Variants in PPIG observed in about 807,000 individuals in gnomAD.
The protein encoded by PPIG is peptidyl-prolyl cis-trans isomerase G.
A neutral mutation model predicts 87.9 loss-of-function variants in PPIG; 26 were observed. The observed-to-expected ratio is 0.30, with a 90% CI of 0.22 to 0.41. The LOEUF is 0.41. PPIG is among the 10% of genes least tolerant of loss of function. The pLI is 1.00. For synonymous variants in PPIG, 308 were observed against 276.5 expected, an observed-to-expected ratio of 1.11 and a Z score of -1.13; for missense variants, 722 against 879.4, an observed-to-expected ratio of 0.82 and a Z score of 2.26.
intron 7 of PPIG, among the ~76,000 whole-genome samples, chr2:169,609,879 G>A (rs903318446): frequency 2.6e-5 from 4 of 152,106 alleles, no homozygotes; most frequent in African/African-American, 4.8e-5. Context: ...GTATTTCTCC[G>A]TAAATTACTT....
At chr2:169,615,677 T>G (rs985132414) in intron 9 of PPIG, among the ~76,000 whole-genome samples, 1 of 151,916 alleles carries the variant, frequency 6.6e-6, no homozygotes. Context: ...ATAAACCACA[T>G]TTTTAAAAAA....
At chr2:169,588,442 A>G (rs931127227) in intron 1 of PPIG, among the ~76,000 whole-genome samples, 1 of 152,166 alleles carries the variant, frequency 6.6e-6, no homozygotes, top group African/African-American at 2.4e-5. Context: ...TGAGCCACTC[A>G]TTTCATCTCT....
chr2:169,616,280 GT>G (rs1168099152), intron 9 of PPIG, among the ~76,000 whole-genome samples: 2 of 152,034 alleles, frequency 1.3e-5, no homozygotes, highest in Non-Finnish European at 2.9e-5. Flanking sequence ...CCAGGTCTTT[GT>G]ATTTTGAATA....
At chr2:169,595,543 C>G (rs1684993650) in intron 1 of PPIG, among the ~76,000 whole-genome samples, 1 of 152,232 alleles carries the variant, frequency 6.6e-6, no homozygotes, top group Non-Finnish European at 1.5e-5. Flanking sequence ...ATTAACCATC[C>G]TCACTTCCAG....
At chr2:169,631,568 G>GT in intron 10 of PPIG, 198 bp from the exon 11 acceptor site, 1 of 1,342,372 alleles carries the variant, frequency 7.4e-7, no homozygotes, top group Non-Finnish European at 9.5e-7. Flanking sequence ...TAATCGAAAC[G>GT]TTTTGTTTTG....
chr2:169,592,250 G>A (rs1320408760), intron 1 of PPIG, among the ~76,000 whole-genome samples: 2 of 146,686 alleles, frequency 1.4e-5, no homozygotes, highest in Non-Finnish European at 3.0e-5. Flanking sequence ...GAAAAAAAAT[G>A]AAAAATTGAC....
chr2:169,612,346 G>T (rs982647209), intron 7 of PPIG, among the ~76,000 whole-genome samples: 3 of 146,542 alleles, frequency 2.0e-5, no homozygotes, highest in African/African-American at 5.0e-5. Context: ...TGTTTCCAAG[G>T]TTTATTTATA....
chr2:169,622,415 T>C (rs929113251), intron 9 of PPIG, among the ~76,000 whole-genome samples: 1 of 152,242 alleles, frequency 6.6e-6, no homozygotes, highest in Non-Finnish European at 1.5e-5. Flanking sequence ...TATATATTAC[T>C]TACATCTTTA....
At chr2:169,594,091 A>G (rs1684946640) in intron 1 of PPIG, among the ~76,000 whole-genome samples, 1 of 152,174 alleles carries the variant, frequency 6.6e-6, no homozygotes, top group African/African-American at 2.4e-5. Flanking sequence ...TGCTAAAAAG[A>G]GCACCAGCGT....
In PPIG at chr2:169,608,720, C is replaced by T; in HGVS notation, c.339C>T (p.Ala113=). 6.2e-7 allele frequency: 1 copy of T among 1,608,674 alleles called. No individual in the cohort carries two copies. The highest frequency in any genetic ancestry group is 8.5e-7 in the Non-Finnish European group (1 of 1,175,566). ...ACAAAGAATTTCTCTTGTCAATGGC[C>T]AACAGAGGGAAGGATACAAATGGTT... ...KHNKEFLLSM[A]NRGKDTNGSQ... Residue 113 remains alanine, a synonymous_variant, in exon 7 of 14, where the codon GCC becomes GCT. Coordinates refer to ENST00000260970, the MANE Select transcript of PPIG (RefSeq NM_004792.3).
chr2:169,631,427 C>T (rs1342799053), intron 10 of PPIG: 2 of 395,604 alleles, frequency 5.1e-6, no homozygotes, highest in Non-Finnish European at 7.8e-6. Flanking sequence ...TTGTCTTCAT[C>T]TGCCTATGGC....
rs369726092 is a variant in PPIG at position 169,636,166 on chromosome 2, A to G, written c.1092A>G (p.Gln364=). 1.2e-6 allele frequency: 2 copies of G among 1,612,488 alleles called. No individual in the cohort carries two copies. Among genetic ancestry groups the G allele is most frequent in the African/African-American group, 1.3e-5 (1 of 74,838 alleles). ...RRSETPPHWR[Q]EMQRAQRMRV... is the part of the protein sequence containing the mutation. ...GTGAGACTCCTCCACATTGGAGGCA[A>G]GAGATGCAGAGAGCTCAAAGAATGA... Residue 364 remains glutamine, a synonymous_variant, in exon 13 of 14, where the codon CAA becomes CAG. Transcript: ENST00000260970.
chr2:169,594,100 G>A (rs1204570091), intron 1 of PPIG, among the ~76,000 whole-genome samples: 2 of 152,012 alleles, frequency 1.3e-5, no homozygotes, highest in South Asian at 2.1e-4. Flanking sequence ...GAGCACCAGC[G>A]TAGCCAACTT....
At chr2:169,609,553 G>T (rs888627086) in intron 7 of PPIG, among the ~76,000 whole-genome samples, 1 of 152,142 alleles carries the variant, frequency 6.6e-6, no homozygotes, top group Non-Finnish European at 1.5e-5. Context: ...CTTGTCAAGA[G>T]AACACAGGAG....
chr2:169,615,702 G>T (rs889085935), intron 9 of PPIG, among the ~76,000 whole-genome samples: 1 of 144,312 alleles, frequency 6.9e-6, no homozygotes, highest in Admixed American at 6.7e-5. Flanking sequence ...TTCATCTGTT[G>T]GTGGAAACAG....
rs777838189 is a variant in PPIG at position 169,637,384 on chromosome 2, A to G, written c.2126A>G (p.Lys709Arg). The part of the protein sequence containing the change: ...NELKSSMLKN[K>R]EDEKIRSSVE... ...TTAAAGTCCTCCATGTTGAAAAATA[A>G]GGAGGATGAGAAGATCAGATCCTCA... Residue 709 changes from lysine to arginine, a missense_variant, in exon 14 of 14, where the codon AAG becomes AGG. Physicochemically the swap from Lys to Arg is conservative, Grantham distance 26. Around this residue, in one of 4 missense-constraint regions of PPIG, gnomAD observed 476 missense variants for 483.1 expected, o/e 0.99. Coordinates refer to ENST00000260970, the MANE Select transcript of PPIG (RefSeq NM_004792.3). 2 of 1,612,776 alleles carry G rather than the reference A, an allele frequency of 1.2e-6. No homozygotes were observed. The highest frequency in any genetic ancestry group is 1.7e-5 in the Admixed American group (1 of 59,892).
In PPIG at chr2:169,594,631, T is replaced by TTTC. The variant is rs1684968608; in HGVS notation, c.-69-9009_-69-9008insCTT. On this transcript the variant is annotated intron_variant, in intron 1 of 13. Transcript: ENST00000260970. ...CAGTTTTACTCTTTCTTTTCTTTTT[T>TTTC]TTTTTTTTTTTTTTTGAGACAGAGT... 1.7e-4 allele frequency among the ~76,000 whole-genome samples: 24 copies of TTTC among 142,996 alleles called. No homozygotes were observed. The South Asian group carries it at 5.3e-3, about 32-fold the overall frequency. 93.8% of individuals were successfully genotyped at this position (142,996 alleles called of 152,430 possible). A position where few individuals can be genotyped will look rare whatever the true frequency, so the allele number is the denominator to read the frequency against.
chr2:169,637,029 C>G lies in PPIG; in HGVS notation c.1771C>G (p.His591Asp). 6.2e-7 allele frequency: 1 copy of G among 1,613,660 alleles called. No individual in the cohort carries two copies. ...AGATCGCAGCAGAAGCAAGGAGTAC[C>G]ATAGATACAGAGAACAGGAATACAG... ...DRDRSRSKEY[H>D]RYREQEYRRR... Residue 591 changes from histidine (H) to aspartate (D), a missense_variant, in exon 14 of 14, where the codon CAT (histidine) becomes GAT (aspartate). By Grantham distance (81) the His-to-Asp change is moderately conservative. This residue lies in a region of PPIG where 476 missense variants were observed against 483.1 expected (regional missense o/e 0.99). Transcript: ENST00000260970.
At position 169,637,448 on chromosome 2, in the gene PPIG, T is replaced by C. The variant is rs768223021; in HGVS notation, c.2190T>C (p.Asn730=). The C allele has an allele frequency of 6.8e-6, 11 of 1,610,914 alleles. 1 individual carries two copies. The South Asian group carries it at 1.2e-4, about 18-fold the overall frequency. Residue 730 remains asparagine, a synonymous_variant, in exon 14 of 14, where the codon AAT becomes AAC. Transcript: ENST00000260970. ...ACCAAAAATCAAAAGGTCAAGAAAA[T>C]GACCATGTACATGAAAAAAATAAAA... ...KENQKSKGQE[N]DHVHEKNKKF...
Sources: gnomAD v4.1 joint callset for allele counts (sites outside exome capture counted in the v4.1 genomes callset) on GRCh38, gnomAD v4.1.1 for gene constraint, gnomAD v4.1.1 regional missense constraint, MANE v1.5 for transcripts, NCBI Gene and HGNC (gene_info 2026-07-23, HGNC 2026-07-21) for gene names.